The following BTBD9 variants were observed in gnomAD, a reference collection of about 807,000 sequenced individuals.
BTBD9 encodes the protein BTB domain containing 9, also known as BTB/POZ domain-containing protein 9.
In BTBD9, 49 loss-of-function variants were observed where a neutral mutation model predicts 64.3. The ratio of observed to expected loss-of-function variants is 0.76; its 90% confidence interval spans 0.61 to 0.97. BTBD9 has a LOEUF of 0.97. Among genes scored for constraint, BTBD9 ranks in the 50% least tolerant of loss-of-function variants. The pLI is 0.00. For missense variants in BTBD9, 598 were observed against 762.1 expected (o/e 0.78, Z 2.53); for synonymous variants, 260 against 274.7 (o/e 0.95, Z 0.53).
At chr6:38,304,681 T>C (rs1365254762) in intron 7 of BTBD9, among the ~76,000 whole-genome samples, 2 of 152,192 alleles carry the variant, frequency 1.3e-5, no homozygotes, top group Non-Finnish European at 2.9e-5. Flanking sequence ...TCCTCCCACC[T>C]TGGCCTCTCA....
At chr6:38,530,767 T>C (rs948537058) in intron 6 of BTBD9, among the ~76,000 whole-genome samples, 8 of 151,944 alleles carry the variant, frequency 5.3e-5, no homozygotes, top group African/African-American at 1.7e-4. Flanking sequence ...TTCTACCAGA[T>C]AAATTTAATG....
intron 1 of BTBD9, 80 bp from the exon 2 acceptor site, chr6:38,598,201 G>T: frequency 1.8e-6 from 2 of 1,112,446 alleles, no homozygotes; most frequent in Non-Finnish European, 2.5e-6. Context: ...ACACAGCTAA[G>T]TAAAAATTTA....
chr6:38,598,983 A>G (rs895208783), intron 1 of BTBD9, among the ~76,000 whole-genome samples: 1 of 152,132 alleles, frequency 6.6e-6, no homozygotes, highest in African/African-American at 2.4e-5. Flanking sequence ...ATTAATGAAC[A>G]TTTGCAGTAG....
intron 7 of BTBD9, among the ~76,000 whole-genome samples, chr6:38,294,842 A>C (rs1459359838): frequency 3.3e-5 from 5 of 151,942 alleles, no homozygotes; most frequent in African/African-American, 9.7e-5. Context: ...AAAAAAAAAA[A>C]AACCTTTATA....
chr6:38,636,874 T>C lies in BTBD9; in HGVS notation c.-28+2926A>G, dbSNP rs116854510. On this transcript the variant is annotated intron_variant, in intron 1 of 10. Coordinates refer to ENST00000481247, the MANE Select transcript of BTBD9 (RefSeq NM_001099272.2). ...CCTCATGAATGGATGAATGCCATTA[T>C]AGCAGGAATGGGTTCATTATCTCAG... Among the ~76,000 whole-genome samples the C allele has an allele frequency of 2.3e-3, 356 of 152,336 alleles. 3 individuals are homozygous for C. Among genetic ancestry groups the C allele is most frequent in the East Asian group, 7.7e-3 (40 of 5,188 alleles).
intron 6 of BTBD9, among the ~76,000 whole-genome samples, chr6:38,434,145 C>T (rs1768592524): frequency 6.6e-6 from 1 of 151,978 alleles, no homozygotes; most frequent in South Asian, 2.1e-4. Flanking sequence ...TCTGAAATGG[C>T]CCTGCAAAAA....
At chr6:38,437,972 T>C (rs982207457) in intron 6 of BTBD9, among the ~76,000 whole-genome samples, 2 of 152,070 alleles carry the variant, frequency 1.3e-5, no homozygotes, top group African/African-American at 4.8e-5. Context: ...CAAGGTCACA[T>C]AGAGCTATGT....
chr6:38,616,461 T>C (rs1376029862), intron 1 of BTBD9, among the ~76,000 whole-genome samples: 1 of 152,172 alleles, frequency 6.6e-6, no homozygotes, highest in African/African-American at 2.4e-5. Flanking sequence ...TAAACACTTT[T>C]TTTTAATGTA....
intron 9 of BTBD9, among the ~76,000 whole-genome samples, chr6:38,233,675 A>G (rs1309283444): frequency 1.3e-5 from 2 of 152,220 alleles, no homozygotes; most frequent in Non-Finnish European, 2.9e-5. Context: ...CCTGCTACCA[A>G]ATGACAGAAG....
chr6:38,574,859 C>T (rs547968352), intron 6 of BTBD9, among the ~76,000 whole-genome samples: 1 of 152,084 alleles, frequency 6.6e-6, no homozygotes, highest in Admixed American at 6.6e-5. Flanking sequence ...CCACAGCCCA[C>T]TGTTTTAAAC....
intron 6 of BTBD9, among the ~76,000 whole-genome samples, chr6:38,525,945 T>A (rs1317186722): frequency 6.6e-6 from 1 of 152,188 alleles, no homozygotes; most frequent in Non-Finnish European, 1.5e-5. Context: ...CCTGGCCCTG[T>A]AGTAGAAAAG....
At chr6:38,222,434 T>C (rs1056675402) in intron 9 of BTBD9, among the ~76,000 whole-genome samples, 2 of 151,876 alleles carry the variant, frequency 1.3e-5, no homozygotes, top group Non-Finnish European at 2.9e-5. Context: ...CTAATTTTTG[T>C]ATTTTTAGTA....
intron 6 of BTBD9, among the ~76,000 whole-genome samples, chr6:38,453,605 G>A (rs1038397520): frequency 9.9e-5 from 15 of 152,094 alleles, no homozygotes; most frequent in African/African-American, 3.6e-4. Flanking sequence ...CTATGATATA[G>A]TTGAGGGTGT....
At chr6:38,309,330 T>C (rs1475881754) in intron 7 of BTBD9, among the ~76,000 whole-genome samples, 1 of 150,580 alleles carries the variant, frequency 6.6e-6, no homozygotes, top group Non-Finnish European at 1.5e-5. Flanking sequence ...GATCATACCA[T>C]TGCACTCTGG....
At chr6:38,444,193 C>T (rs146381238) in intron 6 of BTBD9, among the ~76,000 whole-genome samples, 47 of 152,268 alleles carry the variant, frequency 3.1e-4, no homozygotes, top group Non-Finnish European at 6.0e-4. Flanking sequence ...CTTCATTGGA[C>T]GTTTTGTGCT....
intron 6 of BTBD9, among the ~76,000 whole-genome samples, chr6:38,574,430 G>A (rs1007832417): frequency 5.9e-5 from 9 of 152,202 alleles, no homozygotes; most frequent in Non-Finnish European, 1.0e-4. Flanking sequence ...ATGGGTTGGC[G>A]ATACAAAAAA....
chr6:38,254,620 G>C (rs1399974788), intron 9 of BTBD9, among the ~76,000 whole-genome samples: 2 of 152,180 alleles, frequency 1.3e-5, no homozygotes, highest in Non-Finnish European at 2.9e-5. Context: ...CTGGGCAACA[G>C]AGTGAGACCC....
rs1582137523 is a variant in BTBD9 at position 38,266,648 on chromosome 6, AAGAAAGAAAG to A, written c.1455-10142_1455-10133del. On this transcript the variant is annotated intron_variant, in intron 8 of 10. Transcript: ENST00000481247. ...AAAGAAAGAAAGAAAGAAAGAAAGAAAGAAAGAAAGAAAGAAAGAAAGAAAGAAAGAAGAA... is the reference window on the plus strand; with the variant it reads ...AAAGAAAGAAAGAAAGAAAGAAAGAAAAAGAAAGAAAGAAAGAAAGAAGAA... Among the ~76,000 whole-genome samples the A allele has an allele frequency of 2.9e-5, 4 of 136,030 alleles. No individual in the cohort carries two copies. The East Asian group carries it at 8.4e-4, about 28-fold the overall frequency. 89.2% of individuals were successfully genotyped at this position (136,030 alleles called of 152,430 possible). A position where few individuals can be genotyped will look rare whatever the true frequency, so the allele number is the denominator to read the frequency against.
chr6:38,452,526 G>A (rs2127337681), intron 6 of BTBD9, among the ~76,000 whole-genome samples: 1 of 151,978 alleles, frequency 6.6e-6, no homozygotes, highest in African/African-American at 2.4e-5. Flanking sequence ...AATAATTTAG[G>A]CCTGAGTCCA....
Sources: allele counts gnomAD v4.1 joint callset (sites outside exome capture counted in the v4.1 genomes callset), GRCh38; gene constraint gnomAD v4.1.1; transcripts MANE v1.5; gene names NCBI Gene and HGNC (gene_info 2026-07-23, HGNC 2026-07-21).